NTHL1: variants seen among roughly 807,000 people sequenced by gnomAD.
NTHL1 encodes nth like DNA glycosylase 1, also known as endonuclease III-like protein 1.
In NTHL1, 32 loss-of-function variants were observed where a neutral mutation model predicts 32.3. The observed-to-expected ratio is 0.99, with a 90% CI of 0.75 to 1.33. The LOEUF is 1.33. NTHL1 is among the 40% of genes most tolerant of loss of function. The probability of loss-of-function intolerance (pLI) is 0.00; values close to 1 mark genes in which losing one functional copy is unlikely to be tolerated. For missense variants in NTHL1, 501 were observed against 414.1 expected (o/e 1.21, Z -1.82); for synonymous variants, 188 against 176.9 (o/e 1.06, Z -0.50).
At chr16:2,040,437 G>A in intron 4 of NTHL1, 199 bp from the exon 5 acceptor site, 1 of 644,938 alleles carries the variant, frequency 1.6e-6, no homozygotes, top group East Asian at 2.8e-5. Flanking sequence ...GCCCTCTGTT[G>A]GGGTGCAGGC....
In NTHL1 at chr16:2,040,057, T is replaced by C; in HGVS notation, c.792-10A>G. ...CTCGTGCCACAGCTCCCTGTGGGGGTGGGGGCTGGGTCAGTGCTGACAGAG... is the reference window on the plus strand; with the variant it reads ...CTCGTGCCACAGCTCCCTGTGGGGGCGGGGGCTGGGTCAGTGCTGACAGAG... On this transcript the variant is annotated splice_polypyrimidine_tract_variant and intron_variant, in intron 5 of 5. Transcript: ENST00000651570. 6.2e-7 allele frequency: 1 copy of C among 1,611,382 alleles called. No homozygotes were observed. The highest frequency in any genetic ancestry group is 8.5e-7 in the Non-Finnish European group (1 of 1,179,730).
In NTHL1 at chr16:2,044,679, G is replaced by A. The variant is rs968060928; in HGVS notation, c.476C>T (p.Thr159Ile). 8 of 1,611,384 alleles carry A rather than the reference G, an allele frequency of 5.0e-6. No individual in the cohort carries two copies. The highest frequency in any genetic ancestry group is 3.3e-5 in the Admixed American group (2 of 60,006). ...RGLTVDSILQ[T>I]DDATLGKLIY... ...GAGCTTGCCCAGCGTGGCATCATCT[G>A]TCTGCAGGATGCTGTCCACCGTCAG... Residue 159 changes from threonine (T) to isoleucine (I), a missense_variant, in exon 3 of 6, where the codon ACA (threonine) becomes ATA (isoleucine). Physicochemically the swap from Thr to Ile is moderately conservative, Grantham distance 89. Transcript: ENST00000651570. The surrounding 1 kb of genome is among the most constrained non-coding windows in gnomAD (Gnocchi z 5.0).
Position 2,040,120 on chromosome 16 carries a change from C to G in NTHL1, c.791+13G>C, listed in dbSNP as rs773931134. On this transcript the variant is annotated intron_variant, in intron 5 of 5. Transcript: ENST00000651570. Reference sequence around the variant, plus strand: ...GAGCTCTTCTCCCTAGGAAGCCCCCCACATACTCATACCTAGGCAGCCACT... The same window carrying G: ...GAGCTCTTCTCCCTAGGAAGCCCCCGACATACTCATACCTAGGCAGCCACT... 2 of 1,613,354 alleles carry G rather than the reference C, an allele frequency of 1.2e-6. No individual in the cohort carries two copies. Among genetic ancestry groups the G allele is most frequent in the Non-Finnish European group, 1.7e-6 (2 of 1,179,936 alleles).
intron 1 of NTHL1, 141 bp downstream of exon 1, chr16:2,047,568 G>C: frequency 7.5e-7 from 1 of 1,332,326 alleles, no homozygotes; most frequent in South Asian, 1.5e-5. Context: ...GGGAACGCAG[G>C]GCCGCACGTG....
At chr16:2,047,402 G>A (rs2084481216) in intron 1 of NTHL1, 1 of 453,434 alleles carries the variant, frequency 2.2e-6, no homozygotes, top group Non-Finnish European at 3.9e-6. Context: ...ACTGCAGGAG[G>A]GCGGGGATGG....
At position 2,040,350 on chromosome 16, in the gene NTHL1, T is replaced by C. The variant is rs923907125; in HGVS notation, c.686-112A>G. On this transcript the variant is annotated intron_variant, in intron 4 of 5. Transcript: ENST00000651570. ...ACCCCCGTGGCCCTCCAGTTAGACA[T>C]TGGAACCGCAAAGCCCTGGCTGCAA... 53 of 965,450 alleles carry C rather than the reference T, an allele frequency of 5.5e-5. 1 individual carries two copies. The highest frequency in any genetic ancestry group is 2.3e-4 in the South Asian group (18 of 77,374). 59.8% of individuals were successfully genotyped at this position (965,450 alleles called of 1,614,324 possible). A position where few individuals can be genotyped will look rare whatever the true frequency, so the allele number is the denominator to read the frequency against.
chr16:2,046,841 A>C (rs1393535032), intron 1 of NTHL1: 1 of 158,496 alleles, frequency 6.3e-6, no homozygotes, highest in East Asian at 1.8e-4. Context: ...GTGTGGTGGC[A>C]GGGGCCTATA....
rs933783376 is a variant in NTHL1 at position 2,043,277 on chromosome 16, G to A, written c.685+290C>T. On this transcript the variant is annotated intron_variant, in intron 4 of 5. Transcript: ENST00000651570. The surrounding 1 kb of genome is among the most constrained non-coding windows in gnomAD (Gnocchi z 4.4). The stretch of plus-strand genomic sequence containing the variant: ...ACAACCATCAGGGTTTCCACTCCAC[G>A]AGTGGGGAATTCCTCGCTCCACATT... 2.6e-5 allele frequency among the ~76,000 whole-genome samples: 4 copies of A among 152,068 alleles called. No homozygotes were observed. The highest frequency in any genetic ancestry group is 2.0e-4 in the East Asian group (1 of 5,074).
At position 2,040,136 on chromosome 16, in the gene NTHL1, G is replaced by A; in HGVS notation, c.788C>T (p.Pro263Leu). 1 of 1,613,658 alleles carries A rather than the reference G, an allele frequency of 6.2e-7. No homozygotes were observed. Among genetic ancestry groups the A allele is most frequent in the Non-Finnish European group, 8.5e-7 (1 of 1,180,010 alleles). The change falls in exon 5 of 6, where the codon CCT becomes CTT. Residue 263 changes from proline to leucine, a missense_variant. By Grantham distance (98) the Pro-to-Leu change is moderately conservative. Transcript: ENST00000651570. The stretch of plus-strand genomic sequence containing the variant: ...GAAGCCCCCCACATACTCATACCTA[G>A]GCAGCCACTCCTCCAGGGCGGCGCG... The part of the protein sequence containing the change: ...ETRAALEEWL[P>L]RELWHEINGL...
chr16:2,041,039 A>G (rs1031135421), intron 4 of NTHL1, among the ~76,000 whole-genome samples: 4 of 152,170 alleles, frequency 2.6e-5, no homozygotes, highest in African/African-American at 9.7e-5. Context: ...GCGTCTGCTC[A>G]CTGGGGCTCC....
chr16:2,046,095 G>C, intron 2 of NTHL1, 33 bp downstream of exon 2: 1 of 1,553,718 alleles, frequency 6.4e-7, no homozygotes, highest in Non-Finnish European at 8.9e-7. Context: ...GCTAAGATGG[G>C]GGGTCATCTG....
intron 2 of NTHL1, 141 bp downstream of exon 2, chr16:2,045,987 C>T (rs1299253483): frequency 7.6e-5 from 54 of 708,516 alleles, no homozygotes; most frequent in Non-Finnish European, 9.4e-5. Flanking sequence ...GTGATGCAGG[C>T]GATGCTCTGG....
chr16:2,040,506 C>T (rs1348632117), intron 4 of NTHL1: 1 of 555,362 alleles, frequency 1.8e-6, no homozygotes, highest in Non-Finnish European at 3.2e-6. Context: ...CCACTCCCAA[C>T]ACTGGTGCTA....
At chr16:2,041,292 G>A (rs1272046482) in intron 4 of NTHL1, among the ~76,000 whole-genome samples, 3 of 152,350 alleles carry the variant, frequency 2.0e-5, no homozygotes, top group Admixed American at 6.5e-5. Flanking sequence ...ACGTCACGTT[G>A]TGTGAGCCTC....
In NTHL1 at chr16:2,046,379, C is replaced by T; in HGVS notation, c.116-13G>A. The T allele has an allele frequency of 6.2e-7, 1 of 1,600,396 alleles. No individual in the cohort carries two copies. Among genetic ancestry groups the T allele is most frequent in the South Asian group, 1.1e-5 (1 of 90,828 alleles). On this transcript the variant is annotated splice_polypyrimidine_tract_variant and intron_variant, in intron 1 of 5. Transcript: ENST00000651570. ...CTTTTCCTCGCTTCTGCAAAAAGCA[C>T]CACGCAGTCCCTCTGGTGGGGCCAC...
intron 1 of NTHL1, chr16:2,047,315 C>G: frequency 3.6e-6 from 1 of 276,630 alleles, no homozygotes; most frequent in Non-Finnish European, 7.0e-6. Flanking sequence ...CTCAGAGGCA[C>G]CCTCCCCCGA....
In NTHL1 at chr16:2,043,373, C is replaced by G; in HGVS notation, c.685+194G>C. The G allele has an allele frequency of 1.4e-6, 1 of 690,268 alleles. No individual in the cohort carries two copies. Among genetic ancestry groups the G allele is most frequent in the East Asian group, 2.7e-5 (1 of 36,616 alleles). The allele number at this position is 690,268 out of a possible 1,614,324, so 42.8% of individuals were successfully genotyped here. A position where few individuals can be genotyped will look rare whatever the true frequency, so the allele number is the denominator to read the frequency against. ...CAGAGCCCTGCACGGAGCAGGTGCT[C>G]AGCCCATGTGACCTCCTGCCCCAGC... On this transcript the variant is annotated intron_variant, in intron 4 of 5. Coordinates refer to ENST00000651570, the MANE Select transcript of NTHL1 (RefSeq NM_002528.7). This position sits in a 1 kb window ranked among gnomAD's most constrained non-coding sequence, Gnocchi z 4.4.
At chr16:2,046,799 C>G (rs895860635) in intron 1 of NTHL1, 3 of 160,632 alleles carry the variant, frequency 1.9e-5, no homozygotes, top group Admixed American at 1.2e-4. Flanking sequence ...TGGCAAAACC[C>G]CATCTCTACT....
intron 2 of NTHL1, among the ~76,000 whole-genome samples, chr16:2,045,165 C>T (rs1381170082): frequency 1.3e-5 from 2 of 152,016 alleles, no homozygotes; most frequent in Non-Finnish European, 2.9e-5. Context: ...GGTGAAACCC[C>T]GTCTCTACTA....
Sources: allele counts gnomAD v4.1 joint callset (sites outside exome capture counted in the v4.1 genomes callset), GRCh38; gene constraint gnomAD v4.1.1; non-coding constraint Gnocchi (gnomAD v3.1); transcripts MANE v1.5; gene names NCBI Gene and HGNC (gene_info 2026-07-23, HGNC 2026-07-21).